Variants in EYA4 observed in about 807,000 individuals in gnomAD.
The protein encoded by EYA4 is protein phosphatase EYA4.
Under a neutral mutation model 87.9 loss-of-function variants are expected in EYA4, and 31 were observed. The observed-to-expected ratio is 0.35, with a 90% CI of 0.27 to 0.48. The LOEUF (loss-of-function observed/expected upper bound fraction) is 0.48, where lower values mean the gene tolerates loss of function less well. Ranked by LOEUF, EYA4 falls within the 20% of genes least tolerant of loss-of-function variation. The pLI is 0.99. For missense variants in EYA4, 678 were observed against 761.4 expected (o/e 0.89, Z 1.29); for synonymous variants, 263 against 270.6 (o/e 0.97, Z 0.28).
At chr6:133,463,296 G>T (rs1391605989) in intron 9 of EYA4, among the ~76,000 whole-genome samples, 1 of 150,658 alleles carries the variant, frequency 6.6e-6, no homozygotes, top group Non-Finnish European at 1.5e-5. Context: ...CTCCATATAG[G>T]CATATAGGAT....
intron 2 of EYA4, among the ~76,000 whole-genome samples, chr6:133,348,426 G>A (rs775314962): frequency 4.3e-4 from 66 of 151,800 alleles, no homozygotes; most frequent in Non-Finnish European, 6.5e-4. Context: ...CACCATGCCC[G>A]GCTAATTTTT....
rs571086683 is a variant in EYA4 at position 133,396,736 on chromosome 6, G to A, written c.83+14295G>A. 1.6e-4 allele frequency among the ~76,000 whole-genome samples: 24 copies of A among 152,242 alleles called. No individual in the cohort carries two copies. The South Asian group carries it at 3.5e-3, about 22-fold the overall frequency. On this transcript the variant is annotated intron_variant, in intron 3 of 19. Coordinates refer to ENST00000355286, the MANE Select transcript of EYA4 (RefSeq NM_004100.5). ...TGTGTGTGTGTCTGTGTGTATATGT[G>A]CATGCATGCAACATGACTGGAAGTG...
chr6:133,398,778 A>G (rs1788014725), intron 3 of EYA4, among the ~76,000 whole-genome samples: 1 of 152,056 alleles, frequency 6.6e-6, no homozygotes, highest in Admixed American at 6.6e-5. Context: ...CCTAAAGAAA[A>G]CCCTAATATG....
intron 3 of EYA4, among the ~76,000 whole-genome samples, chr6:133,419,144 A>G (rs192459572): frequency 1.3e-4 from 20 of 152,338 alleles, no homozygotes; most frequent in Non-Finnish European, 2.2e-4. Flanking sequence ...GGCCTTACAA[A>G]TGAGTAAGGG....
rs960726659 is a variant in EYA4, at chr6:133,495,129, T to C, written c.1192-10977T>C. On this transcript the variant is annotated intron_variant, in intron 13 of 19. Coordinates refer to ENST00000355286, the MANE Select transcript of EYA4 (RefSeq NM_004100.5). ...GCTAAAAATAAAAAAATTAGCCAGGTGTGGTGGTGGGCACCTGTAATGCCA... is the reference window on the plus strand; with the variant it reads ...GCTAAAAATAAAAAAATTAGCCAGGCGTGGTGGTGGGCACCTGTAATGCCA... 1.3e-4 allele frequency among the ~76,000 whole-genome samples: 19 copies of C among 151,560 alleles called. No individual in the cohort carries two copies. The East Asian group carries it at 3.7e-3, about 30-fold the overall frequency.
chr6:133,383,545 A>AAAT (rs1312860441), intron 3 of EYA4, among the ~76,000 whole-genome samples: 1 of 149,506 alleles, frequency 6.7e-6, no homozygotes, highest in African/African-American at 2.5e-5. Context: ...AAAAAAAAAA[A>AAAT]TGTAATGGCC....
chr6:133,258,355 T>G (rs190242980), intron 1 of EYA4, among the ~76,000 whole-genome samples: 1 of 152,368 alleles, frequency 6.6e-6, no homozygotes, highest in Admixed American at 6.5e-5. Flanking sequence ...CTGATTTCAG[T>G]TCTCACGCTT....
At chr6:133,345,280 T>C (rs1462125980) in intron 2 of EYA4, among the ~76,000 whole-genome samples, 2 of 151,946 alleles carry the variant, frequency 1.3e-5, no homozygotes, top group African/African-American at 2.4e-5. Flanking sequence ...GGAGGGAAAG[T>C]TGCAGATATG....
At chr6:133,274,670 T>G in intron 1 of EYA4, 46 bp from the exon 2 acceptor site, 1 of 896,148 alleles carries the variant, frequency 1.1e-6, no homozygotes, top group Non-Finnish European at 1.9e-6. Context: ...TACAAATGAA[T>G]ATAAAGATAA....
chr6:133,491,056 T>G (rs1797107582), intron 13 of EYA4, among the ~76,000 whole-genome samples: 1 of 152,118 alleles, frequency 6.6e-6, no homozygotes, highest in Non-Finnish European at 1.5e-5. Context: ...ATGAGGAATT[T>G]TGGAAACTGT....
intron 2 of EYA4, among the ~76,000 whole-genome samples, chr6:133,296,810 C>A (rs920778406): frequency 6.6e-6 from 1 of 151,850 alleles, no homozygotes; most frequent in African/African-American, 2.4e-5. Flanking sequence ...CATTTATGTC[C>A]ATGAAAATAG....
chr6:133,290,973 T>C (rs1242303486), intron 2 of EYA4, among the ~76,000 whole-genome samples: 1 of 152,214 alleles, frequency 6.6e-6, no homozygotes, highest in Non-Finnish European at 1.5e-5. Flanking sequence ...TTTGAGTTTC[T>C]ACTACAATTG....
At chr6:133,265,186 T>G (rs1024929199) in intron 1 of EYA4, among the ~76,000 whole-genome samples, 1 of 152,094 alleles carries the variant, frequency 6.6e-6, no homozygotes, top group Admixed American at 6.6e-5. Context: ...AAGAAAAAGA[T>G]ATGATGAATG....
chr6:133,313,141 T>A (rs1222256171), intron 2 of EYA4, among the ~76,000 whole-genome samples: 1 of 152,336 alleles, frequency 6.6e-6, no homozygotes, highest in South Asian at 2.1e-4. Context: ...ATTGGACTTA[T>A]AAGGTATGGG....
intron 12 of EYA4, among the ~76,000 whole-genome samples, chr6:133,481,894 C>T (rs191209980): frequency 6.6e-6 from 1 of 152,170 alleles, no homozygotes; most frequent in Non-Finnish European, 1.5e-5. Context: ...AAAACTATAG[C>T]CATTGTTTGT....
rs1234921194 is a variant in EYA4, at chr6:133,462,469, C to G, written c.572C>G (p.Pro191Arg). ...CAGACAGGACAGCCCTACAGCTTGCCCACTTACGGTATTTCACATCTTCTG... is the reference window on the plus strand; with the variant it reads ...CAGACAGGACAGCCCTACAGCTTGCGCACTTACGGTATTTCACATCTTCTG... Reference protein sequence around the residue: ...YSQTGQPYSLPTYDLGVMLPA... With the variant: ...YSQTGQPYSLRTYDLGVMLPA... Residue 191 changes from proline (P) to arginine (R), a missense_variant, in exon 8 of 20, where the codon CCC (proline) becomes CGC (arginine). Transcript: ENST00000355286. The G allele has an allele frequency of 6.2e-7, 1 of 1,613,806 alleles. No individual in the cohort carries two copies. Among genetic ancestry groups the G allele is most frequent in the South Asian group, 1.1e-5 (1 of 91,074 alleles).
intron 2 of EYA4, among the ~76,000 whole-genome samples, chr6:133,364,520 A>G (rs1452718724): frequency 1.3e-5 from 2 of 152,296 alleles, no homozygotes; most frequent in East Asian, 3.9e-4. Context: ...GCTCCTGCCA[A>G]TAGTTGACCT....
intron 17 of EYA4, among the ~76,000 whole-genome samples, chr6:133,519,466 A>G (rs1233909887): frequency 6.6e-6 from 1 of 151,286 alleles, no homozygotes; most frequent in Non-Finnish European, 1.5e-5. Flanking sequence ...ATCTCTGAAT[A>G]GACCAATAAC....
At chr6:133,367,148 C>G (rs1218889172) in intron 2 of EYA4, among the ~76,000 whole-genome samples, 1 of 152,152 alleles carries the variant, frequency 6.6e-6, no homozygotes, top group Non-Finnish European at 1.5e-5. Flanking sequence ...CCCCCATAAC[C>G]TGGATCCTTG....
Sources: allele counts gnomAD v4.1 joint callset (sites outside exome capture counted in the v4.1 genomes callset), GRCh38; gene constraint gnomAD v4.1.1; transcripts MANE v1.5; gene names NCBI Gene and HGNC (gene_info 2026-07-23, HGNC 2026-07-21).